The following RASA2 variants were observed in gnomAD, a reference collection of about 807,000 sequenced individuals.
The protein encoded by RASA2 is ras GTPase-activating protein 2.
A neutral mutation model predicts 118.2 loss-of-function variants in RASA2; 155 were observed. The ratio of observed to expected loss-of-function variants is 1.31; its 90% CI spans 1.15 to 1.50. The LOEUF is 1.50. Among genes scored for constraint, RASA2 ranks in the 40% most tolerant of loss-of-function variants. The probability of loss-of-function intolerance (pLI) is 0.00; values close to 1 mark genes in which losing one functional copy is unlikely to be tolerated. For synonymous variants in RASA2, 353 were observed against 349.1 expected (o/e 1.01, Z -0.12); for missense variants, 1,016 against 1,009.6 (o/e 1.01, Z -0.09).
intron 1 of RASA2, among the ~76,000 whole-genome samples, chr3:141,489,989 G>C (rs999239349): frequency 6.6e-6 from 1 of 150,558 alleles, no homozygotes; most frequent in Non-Finnish European, 1.5e-5. Context: ...TTTGCCGGGG[G>C]GCTGGGGAGG....
chr3:141,547,094 A>G (rs2151108048), intron 5 of RASA2, among the ~76,000 whole-genome samples: 1 of 152,292 alleles, frequency 6.6e-6, no homozygotes, highest in Non-Finnish European at 1.5e-5. Flanking sequence ...TGTTTTGATT[A>G]TTATAGCTCT....
At chr3:141,547,225 A>G (rs1001604857) in intron 5 of RASA2, among the ~76,000 whole-genome samples, 1 of 150,142 alleles carries the variant, frequency 6.7e-6, no homozygotes, top group Non-Finnish European at 1.5e-5. Flanking sequence ...TTTTTTTTCT[A>G]TTTCTGTGAA....
intron 3 of RASA2, among the ~76,000 whole-genome samples, chr3:141,520,068 C>T (rs1296911905): frequency 7.5e-6 from 1 of 133,620 alleles, no homozygotes; most frequent in Non-Finnish European, 1.5e-5. Context: ...GGCTGGAGTG[C>T]AGTGACATGA....
At chr3:141,570,565 A>G (rs778357326) in intron 9 of RASA2, among the ~76,000 whole-genome samples, 35 of 152,196 alleles carry the variant, frequency 2.3e-4, no homozygotes, top group Non-Finnish European at 4.1e-4. Context: ...TTTAGTTGGT[A>G]AAAATTTATT....
At chr3:141,594,353 CA>C (rs200206211) in intron 19 of RASA2, among the ~76,000 whole-genome samples, 4,144 of 136,172 alleles carry the variant, frequency 0.03, 216 homozygotes, top group African/African-American at 0.1. Context: ...AAGAATTGGA[CA>C]AAAAAAAAAA....
At chr3:141,602,754 T>C (rs1303131484) in intron 19 of RASA2, among the ~76,000 whole-genome samples, 1 of 152,232 alleles carries the variant, frequency 6.6e-6, no homozygotes, top group African/African-American at 2.4e-5. Flanking sequence ...GCAGCTCAAA[T>C]ACCTCAAAGG....
chr3:141,593,371 T>C (rs2083315665), intron 19 of RASA2, among the ~76,000 whole-genome samples: 1 of 151,990 alleles, frequency 6.6e-6, no homozygotes, highest in African/African-American at 2.4e-5. Context: ...ATACAGCTTT[T>C]CCCCTTGAAA....
intron 17 of RASA2, among the ~76,000 whole-genome samples, chr3:141,583,218 G>A (rs2083144064): frequency 6.6e-6 from 1 of 152,142 alleles, no homozygotes; most frequent in African/African-American, 2.4e-5. Context: ...GAGGTCAGGA[G>A]TTGGAGACCA....
At chr3:141,608,739 G>A (rs1439098122) in intron 21 of RASA2, 42 bp downstream of exon 21, 1 of 1,552,098 alleles carries the variant, frequency 6.4e-7, no homozygotes, top group Admixed American at 1.7e-5. Flanking sequence ...GTCAAAATTT[G>A]ATATATCCAT....
At chr3:141,578,221 TTA>T (rs1172564921) in intron 15 of RASA2, among the ~76,000 whole-genome samples, 2 of 152,210 alleles carry the variant, frequency 1.3e-5, no homozygotes, top group Admixed American at 1.3e-4. Context: ...AACTGACAAA[TTA>T]TGATTTGATC....
At position 141,608,553 on chromosome 3, in the gene RASA2, A is replaced by T; in HGVS notation, c.2081A>T (p.Asn694Ile). The T allele has an allele frequency of 6.2e-7, 1 of 1,614,014 alleles. No homozygotes were observed. Among genetic ancestry groups the T allele is most frequent in the Non-Finnish European group, 8.5e-7 (1 of 1,179,920 alleles). The change falls in exon 21 of 24, where the codon AAT (asparagine) becomes ATT (isoleucine). Residue 694 changes from asparagine (N) to isoleucine (I), a missense_variant. Asn to Ile is a moderately radical substitution (Grantham distance 149, BLOSUM62 -3). Transcript: ENST00000286364. Reference sequence around the variant, plus strand: ...CAGGCAAATAACTGTGTAGAAGCTAATGAATGGATAGACGTACTCTGCAGG... The same window carrying T: ...CAGGCAAATAACTGTGTAGAAGCTATTGAATGGATAGACGTACTCTGCAGG... Reference protein sequence around the residue: ...YVQANNCVEANEWIDVLCRVS... With the variant: ...YVQANNCVEAIEWIDVLCRVS...
At position 141,558,690 on chromosome 3, in the gene RASA2, A is replaced by AT. The variant is rs34856565; in HGVS notation, c.685-186dup. Among the ~76,000 whole-genome samples the AT allele has an allele frequency of 0.28, 42,672 of 150,194 alleles. 6,335 individuals are homozygous for AT. The highest frequency in any genetic ancestry group is 0.33 in the Non-Finnish European group (21,951 of 67,388). On this transcript the variant is annotated intron_variant, in intron 7 of 23. Transcript: ENST00000286364. ...AGATGAACAAGCTGGTATTATTTTG[A>AT]TTTTTTTTTTACACTACCTTATTCT... is the stretch of plus-strand genomic sequence containing the variant.
At chr3:141,575,123 A>G (rs555921279) in intron 14 of RASA2, among the ~76,000 whole-genome samples, 1 of 152,328 alleles carries the variant, frequency 6.6e-6, no homozygotes, top group East Asian at 1.9e-4. Flanking sequence ...AAAATTAGGC[A>G]GGTACTTAAA....
intron 10 of RASA2, 146 bp from the exon 11 acceptor site, chr3:141,571,260 T>C: frequency 7.9e-7 from 1 of 1,268,166 alleles, no homozygotes; most frequent in Non-Finnish European, 1.1e-6. Flanking sequence ...GCTCCCACAA[T>C]CATCTCTGAT....
chr3:141,586,001 A>G, intron 17 of RASA2, 24 bp from the exon 18 acceptor site: 2 of 1,571,930 alleles, frequency 1.3e-6, no homozygotes, highest in Non-Finnish European at 8.7e-7. Context: ...ACACAGTGTA[A>G]TATTTGCCCA....
At chr3:141,542,164 C>CA (rs1306541344) in intron 5 of RASA2, among the ~76,000 whole-genome samples, 3 of 151,300 alleles carry the variant, frequency 2.0e-5, no homozygotes, top group Non-Finnish European at 4.4e-5. Context: ...AGGCGTTACT[C>CA]AGAGATGTGT....
intron 11 of RASA2, among the ~76,000 whole-genome samples, chr3:141,572,130 C>T (rs1478905945): frequency 6.7e-6 from 1 of 150,316 alleles, no homozygotes; most frequent in Non-Finnish European, 1.5e-5. Context: ...CTCGCTTTTT[C>T]ACCCAGGTTG....
chr3:141,580,232 G>A (rs1400354723), intron 15 of RASA2, 136 bp from the exon 16 acceptor site: 2 of 586,362 alleles, frequency 3.4e-6, no homozygotes, highest in East Asian at 6.2e-5. Context: ...GCCTTAGCTA[G>A]ATTTTAACTG....
intron 1 of RASA2, among the ~76,000 whole-genome samples, chr3:141,511,847 T>G (rs2081956051): frequency 7.9e-5 from 12 of 152,162 alleles, no homozygotes; most frequent in Admixed American, 7.8e-4. Context: ...AAAGAAAGAT[T>G]AATTGTGGAG....
Sources: gnomAD v4.1 joint callset for allele counts (sites outside exome capture counted in the v4.1 genomes callset) on GRCh38, gnomAD v4.1.1 for gene constraint, MANE v1.5 for transcripts, NCBI Gene and HGNC (gene_info 2026-07-23, HGNC 2026-07-21) for gene names.